RILPL1: variants seen among roughly 807,000 people sequenced by gnomAD.
The protein encoded by RILPL1 is Rab interacting lysosomal protein like 1.
RILPL1 carries 33 observed loss-of-function variants against 50.3 expected under a neutral mutation model. That is an observed-to-expected ratio of 0.66 (90% CI 0.50 to 0.88). The LOEUF is 0.88. Ranked by LOEUF, RILPL1 falls within the 40% of genes least tolerant of loss-of-function variation. The pLI, the probability that RILPL1 is intolerant of heterozygous loss-of-function variation, is 0.00. For missense variants in RILPL1, 418 were observed against 542.5 expected (o/e 0.77, Z 2.28); for synonymous variants, 205 against 228.6 (o/e 0.90, Z 0.93).
rs545704445 is a variant in RILPL1, at chr12:123,475,860, G to C, written c.1068-3178C>G. The C allele has an allele frequency of 6.9e-4, 459 of 666,154 alleles. 2 individuals are homozygous for C. Among genetic ancestry groups the C allele is most frequent in the East Asian group, 1.2e-3 (44 of 36,060 alleles). The allele number at this position is 666,154 out of a possible 1,614,324, so 41.3% of individuals were successfully genotyped here. ...GGGTTTGATTAGGGTCTAAGTTAGCGGTTGAATTGTGTCACCTGCCTCTAA... is the reference window on the plus strand; with the variant it reads ...GGGTTTGATTAGGGTCTAAGTTAGCCGTTGAATTGTGTCACCTGCCTCTAA... On this transcript the variant is annotated intron_variant, in intron 6 of 6. Transcript: ENST00000376874.
intron 2 of RILPL1, among the ~76,000 whole-genome samples, chr12:123,511,417 G>GTGTGTGTGAGATCTGTA (rs1884187940): frequency 6.9e-6 from 1 of 145,098 alleles, no homozygotes; most frequent in Admixed American, 6.9e-5. Flanking sequence ...TGTGAGGTCT[G>GTGTGTGTGAGATCTGTA]TGTGTGAGGT....
At chr12:123,524,294 G>A (rs569897160) in intron 1 of RILPL1, among the ~76,000 whole-genome samples, 83 of 152,336 alleles carry the variant, frequency 5.4e-4, no homozygotes, top group African/African-American at 1.9e-3. Context: ...AACAAGTGCT[G>A]ACAAGGATAG....
chr12:123,528,588 C>T (rs1211606202), intron 1 of RILPL1, among the ~76,000 whole-genome samples: 3 of 151,664 alleles, frequency 2.0e-5, no homozygotes, highest in Admixed American at 6.6e-5. Flanking sequence ...CCACCACGCC[C>T]GGCTAATTTT....
chr12:123,522,405 G>T lies in RILPL1; in HGVS notation c.460+1090C>A, dbSNP rs1885101398. On this transcript the variant is annotated intron_variant, in intron 2 of 6. Coordinates refer to ENST00000376874, the MANE Select transcript of RILPL1 (RefSeq NM_178314.5). The surrounding 1 kb of genome is among the most constrained non-coding windows in gnomAD (Gnocchi z 4.0). Reference sequence around the variant, plus strand: ...TGCTTATTGGATAAGTGACAGTTCAGGGGCTCCAGTGCCATTCAGGTCTGG... The same window carrying T: ...TGCTTATTGGATAAGTGACAGTTCATGGGCTCCAGTGCCATTCAGGTCTGG... 6.6e-6 allele frequency among the ~76,000 whole-genome samples: 1 copy of T among 152,194 alleles called. No homozygotes were observed. The highest frequency in any genetic ancestry group is 1.5e-5 in the Non-Finnish European group (1 of 68,040).
intron 4 of RILPL1, among the ~76,000 whole-genome samples, chr12:123,497,562 A>AT (rs558685224): frequency 1.0e-4 from 15 of 150,378 alleles, no homozygotes; most frequent in Admixed American, 6.7e-4. Flanking sequence ...CTAATTTTGT[A>AT]TTTTTTTTTA....
chr12:123,508,267 G>A (rs1311994862), intron 2 of RILPL1, among the ~76,000 whole-genome samples: 3 of 152,192 alleles, frequency 2.0e-5, no homozygotes, highest in Middle Eastern at 6.8e-3. Flanking sequence ...GGTGGCCCAC[G>A]CCTATAGTTC....
At chr12:123,478,238 C>T (rs35157218) in intron 6 of RILPL1, among the ~76,000 whole-genome samples, 27,247 of 151,514 alleles carry the variant, frequency 0.18, 2,656 homozygotes, top group Middle Eastern at 0.24. Context: ...TGGCCTCAAG[C>T]GATCCCCCCA....
intron 2 of RILPL1, among the ~76,000 whole-genome samples, chr12:123,512,760 A>G (rs1221069414): frequency 9.7e-3 from 449 of 46,348 alleles, no homozygotes; most frequent in Middle Eastern, 0.017. Flanking sequence ...TGTGTGTGGT[A>G]TGTGTGAGGT....
chr12:123,511,856 T>C (rs1331049125), intron 2 of RILPL1, among the ~76,000 whole-genome samples: 2 of 130,928 alleles, frequency 1.5e-5, no homozygotes, highest in Non-Finnish European at 1.6e-5. Context: ...GGTCTGTGTC[T>C]GTGTGTGGTG....
chr12:123,507,087 G>C (rs1883795993), intron 2 of RILPL1, among the ~76,000 whole-genome samples: 2 of 152,216 alleles, frequency 1.3e-5, no homozygotes, highest in South Asian at 4.1e-4. Context: ...GGGGCAGCTG[G>C]AAGACGTGTG....
At chr12:123,523,841 ATGCC>A (rs1885156259) in intron 1 of RILPL1, among the ~76,000 whole-genome samples, 196 bp from the exon 2 acceptor site, 1 of 152,248 alleles carries the variant, frequency 6.6e-6, no homozygotes, top group South Asian at 2.1e-4. Context: ...TTTGGGGCAG[ATGCC>A]TGCGTTTATG....
chr12:123,518,863 A>C (rs1416430469), intron 2 of RILPL1, among the ~76,000 whole-genome samples: 4 of 151,986 alleles, frequency 2.6e-5, no homozygotes, highest in Admixed American at 2.0e-4. Context: ...TCGAGACCAT[A>C]CTGGCTAACA....
At position 123,533,300 on chromosome 12, in the gene RILPL1, C is replaced by G. The variant is rs779254387; in HGVS notation, c.183G>C (p.Leu61=). The change falls in exon 1 of 7, where the codon CTG becomes CTC. Residue 61 remains leucine, a synonymous_variant. Coordinates refer to ENST00000376874, the MANE Select transcript of RILPL1 (RefSeq NM_178314.5). This position sits in a 1 kb window ranked among gnomAD's most constrained non-coding sequence, Gnocchi z 6.2. ...ARLMPKVVRV[L]EILEVLVSRH... Reference sequence around the variant, plus strand: ...GGCTGACCAGCACCTCCAGGATCTCCAGGACGCGCACGACCTTGGGCATGA... The same window carrying G: ...GGCTGACCAGCACCTCCAGGATCTCGAGGACGCGCACGACCTTGGGCATGA... 6.3e-7 allele frequency: 1 copy of G among 1,585,066 alleles called. No homozygotes were observed. Among genetic ancestry groups the G allele is most frequent in the South Asian group, 1.1e-5 (1 of 87,408 alleles).
At chr12:123,512,912 ATGTGTGTGGTGACATCTGTG>A (rs1434835756) in intron 2 of RILPL1, among the ~76,000 whole-genome samples, 4 of 64,540 alleles carry the variant, frequency 6.2e-5, no homozygotes, top group South Asian at 5.1e-4. Context: ...GAGTGCGTGT[ATGTGTGTGGTGACATCTGTG>A]TGTGTGTGGT....
rs754019860 is a variant in RILPL1, at chr12:123,485,797, C to T, written c.810G>A (p.Pro270=). The change falls in exon 5 of 7, where the codon CCG becomes CCA. Residue 270 remains proline (P), a synonymous_variant. Coordinates refer to ENST00000376874, the MANE Select transcript of RILPL1 (RefSeq NM_178314.5). This position sits in a 1 kb window ranked among gnomAD's most constrained non-coding sequence, Gnocchi z 4.0. ...CGTCGGAGATGCTCTCCTCTCCCAC[C>T]GGCTCCGTCTGGAGGAGGCAGAGAT... ...QNGEEEPETE[P]VGEESISDAE... is the part of the protein sequence containing the mutation. The T allele has an allele frequency of 3.9e-5, 62 of 1,605,334 alleles. No individual in the cohort carries two copies. The highest frequency in any genetic ancestry group is 5.4e-5 in the African/African-American group (4 of 74,334).
In RILPL1 at chr12:123,473,061, G is replaced by A. The variant is rs1010388905; in HGVS notation, c.1068-379C>T. 3.8e-5 allele frequency: 8 copies of A among 210,394 alleles called. No homozygotes were observed. In the South Asian group the frequency reaches 4.3e-4, roughly 11 times the overall value. The allele number at this position is 210,394 out of a possible 1,614,324, so 13.0% of individuals were successfully genotyped here. A position where few individuals can be genotyped will look rare whatever the true frequency, so the allele number is the denominator to read the frequency against. ...GCAGAGAAAGGAATACTTGAAAACC[G>A]TGTGGAATATAAGAGGATTCTGTTG... On this transcript the variant is annotated intron_variant, in intron 6 of 6. Transcript: ENST00000376874.
intron 2 of RILPL1, among the ~76,000 whole-genome samples, chr12:123,502,506 T>C (rs918039915): frequency 6.6e-6 from 1 of 152,236 alleles, no homozygotes; most frequent in African/African-American, 2.4e-5. Flanking sequence ...CTTTCACAGT[T>C]AATACACACA....
intron 4 of RILPL1, among the ~76,000 whole-genome samples, chr12:123,495,635 A>G (rs562400041): frequency 1.3e-5 from 2 of 149,088 alleles, no homozygotes; most frequent in African/African-American, 5.0e-5. Context: ...TGGCCTCCCA[A>G]AGTGCTGGGA....
At position 123,533,125 on chromosome 12, in the gene RILPL1, G is replaced by A; in HGVS notation, c.309+49C>T. On this transcript the variant is annotated intron_variant, in intron 1 of 6. Transcript: ENST00000376874. This position sits in a 1 kb window ranked among gnomAD's most constrained non-coding sequence, Gnocchi z 6.2. ...CTGCCCAATGCGGAAGAGCCCTTGGGTCCCCGCGGTCCCACTGCCCGGACG... is the reference window on the plus strand; with the variant it reads ...CTGCCCAATGCGGAAGAGCCCTTGGATCCCCGCGGTCCCACTGCCCGGACG... 2 of 1,475,678 alleles carry A rather than the reference G, an allele frequency of 1.4e-6. No individual in the cohort carries two copies. Among genetic ancestry groups the A allele is most frequent in the Non-Finnish European group, 1.8e-6 (2 of 1,108,972 alleles). 91.4% of individuals were successfully genotyped at this position (1,475,678 alleles called of 1,614,324 possible). A position where few individuals can be genotyped will look rare whatever the true frequency, so the allele number is the denominator to read the frequency against.
Sources: allele counts gnomAD v4.1 joint callset (sites outside exome capture counted in the v4.1 genomes callset), GRCh38; gene constraint gnomAD v4.1.1; non-coding constraint Gnocchi (gnomAD v3.1); transcripts MANE v1.5; gene names NCBI Gene and HGNC (gene_info 2026-07-23, HGNC 2026-07-21).